The following BAZ2B variants were observed in gnomAD, a reference collection of about 807,000 sequenced individuals.
BAZ2B encodes bromodomain adjacent to zinc finger domain protein 2B.
Under a neutral mutation model 246.0 loss-of-function variants are expected in BAZ2B, and 91 were observed. The ratio of observed to expected loss-of-function variants is 0.37; its 90% confidence interval spans 0.31 to 0.44. BAZ2B has a LOEUF of 0.44. BAZ2B is among the 20% of genes least tolerant of loss of function. The pLI is 1.00. For synonymous variants in BAZ2B, 855 were observed against 860.0 expected (o/e 0.99, Z 0.10); for missense variants, 2,332 against 2,533.7 (o/e 0.92, Z 1.71).
chr2:159,397,090 C>T, intron 19 of BAZ2B: 7 of 1,439,196 alleles, frequency 4.9e-6, no homozygotes, highest in South Asian at 1.2e-5. Flanking sequence ...TAGTCTATGC[C>T]TCTCCAACTC....
At chr2:159,600,776 G>A (rs1691947576) in intron 1 of BAZ2B, among the ~76,000 whole-genome samples, 1 of 152,138 alleles carries the variant, frequency 6.6e-6, no homozygotes, top group African/African-American at 2.4e-5. Context: ...CCTATAAAAA[G>A]AAGTGGGGGG....
the BAZ2B span, among the ~76,000 whole-genome samples, chr2:159,622,851 G>C: frequency 6.6e-6 from 1 of 151,818 alleles, no homozygotes; most frequent in Non-Finnish European, 1.5e-5. Flanking sequence ...ACAAAAAGTA[G>C]TGGGGCATGG....
chr2:159,654,640 T>C, the BAZ2B span, among the ~76,000 whole-genome samples: 1 of 151,994 alleles, frequency 6.6e-6, no homozygotes, highest in East Asian at 1.9e-4. Flanking sequence ...TTACTAAGTA[T>C]GTAGGAAAAA....
chr2:159,525,948 T>C (rs561468160), intron 2 of BAZ2B, among the ~76,000 whole-genome samples: 2 of 152,206 alleles, frequency 1.3e-5, no homozygotes, highest in East Asian at 1.9e-4. Context: ...GGAGGATGAA[T>C]TGAAGCAGGA....
chr2:159,486,169 G>A (rs995934641), intron 2 of BAZ2B, among the ~76,000 whole-genome samples: 1 of 152,000 alleles, frequency 6.6e-6, no homozygotes. Flanking sequence ...ACAAGGAAAC[G>A]AAGGTTAGAA....
intron 31 of BAZ2B, among the ~76,000 whole-genome samples, chr2:159,343,836 C>T (rs1464115775): frequency 6.6e-6 from 1 of 151,480 alleles, no homozygotes; most frequent in Admixed American, 6.6e-5. Context: ...ACCATCCTGG[C>T]TAACATGATG....
At chr2:159,708,652 C>T in the BAZ2B span, among the ~76,000 whole-genome samples, 8 of 151,830 alleles carry the variant, frequency 5.3e-5, no homozygotes, top group Non-Finnish European at 1.2e-4. Flanking sequence ...CCGCTCACTG[C>T]AAGCCTCAAC....
intron 1 of BAZ2B, among the ~76,000 whole-genome samples, chr2:159,604,090 A>AAT: frequency 6.6e-6 from 1 of 152,228 alleles, no homozygotes; most frequent in Non-Finnish European, 1.5e-5. Context: ...TTTAAAGAAA[A>AAT]GTCAAAGGAC....
intron 2 of BAZ2B, among the ~76,000 whole-genome samples, chr2:159,509,338 G>A (rs1297331229): frequency 6.6e-6 from 1 of 152,022 alleles, no homozygotes; most frequent in Non-Finnish European, 1.5e-5. Context: ...ATTGTTCCTA[G>A]GGACTAAGAA....
the BAZ2B span, among the ~76,000 whole-genome samples, chr2:159,631,131 A>G: frequency 6.6e-6 from 1 of 152,158 alleles, no homozygotes; most frequent in African/African-American, 2.4e-5. Context: ...AGGAGGGCAA[A>G]ACTACAGTGA....
At chr2:159,479,244 A>C (rs573706589) in intron 2 of BAZ2B, among the ~76,000 whole-genome samples, 39 of 152,312 alleles carry the variant, frequency 2.6e-4, no homozygotes, top group Admixed American at 2.2e-3. Flanking sequence ...TCAGAGTTTA[A>C]CTTGAGGCAA....
chr2:159,607,308 T>G (rs2151797732), intron 1 of BAZ2B, among the ~76,000 whole-genome samples: 1 of 152,316 alleles, frequency 6.6e-6, no homozygotes, highest in Middle Eastern at 3.4e-3. Context: ...CACCCTCTGC[T>G]CTCTACTCAA....
chr2:159,422,115 C>T (rs1408056027), intron 13 of BAZ2B, among the ~76,000 whole-genome samples: 2 of 152,116 alleles, frequency 1.3e-5, no homozygotes, highest in African/African-American at 2.4e-5. Context: ...AATGGAAAAA[C>T]GTTCCATGCT....
chr2:159,350,910 G>C (rs1237073549), intron 27 of BAZ2B, among the ~76,000 whole-genome samples: 2 of 148,216 alleles, frequency 1.3e-5, no homozygotes. Flanking sequence ...ATTAAAATCC[G>C]GTGGGGGGAG....
the BAZ2B span, among the ~76,000 whole-genome samples, chr2:159,706,290 T>C: frequency 6.6e-6 from 1 of 152,084 alleles, no homozygotes; most frequent in Non-Finnish European, 1.5e-5. Context: ...TACACTAAAA[T>C]AGTAGGTATG....
At chr2:159,333,856 T>C (rs946101765) in intron 33 of BAZ2B, among the ~76,000 whole-genome samples, 63 of 152,262 alleles carry the variant, frequency 4.1e-4, no homozygotes, top group African/African-American at 1.4e-3. Context: ...GTTTATCAAA[T>C]GTATATACTA....
intron 2 of BAZ2B, among the ~76,000 whole-genome samples, chr2:159,519,210 CTTTTTTTTTTTTTTTTTTTT>C (rs564614568): frequency 1.7e-4 from 10 of 57,770 alleles, no homozygotes; most frequent in Admixed American, 4.6e-4. Context: ...ATTCTATTTT[CTTTTTTTTTTTTTTTTTTTT>C]TTTTTTTTTT....
At chr2:159,395,099 T>TA (rs2063829779) in intron 20 of BAZ2B, among the ~76,000 whole-genome samples, 1 of 150,968 alleles carries the variant, frequency 6.6e-6, no homozygotes, top group Non-Finnish European at 1.5e-5. Context: ...CATCTCAATT[T>TA]TAAAAAAATG....
At chr2:159,681,203 G>A in the BAZ2B span, among the ~76,000 whole-genome samples, 69,413 of 151,698 alleles carry the variant, frequency 0.46, 16,717 homozygotes, top group Middle Eastern at 0.64. Flanking sequence ...GAAAATTACC[G>A]TAAGAGAAAA....
Sources: gnomAD v4.1 joint callset for allele counts (sites outside exome capture counted in the v4.1 genomes callset) on GRCh38, gnomAD v4.1.1 for gene constraint, MANE v1.5 for transcripts, NCBI Gene and HGNC (gene_info 2026-07-23, HGNC 2026-07-21) for gene names.